RBFOX3: variants seen among roughly 807,000 people sequenced by gnomAD.
RBFOX3 encodes the protein RNA binding protein fox-1 homolog 3.
RBFOX3 carries 17 observed loss-of-function variants against 48.7 expected under a neutral mutation model. The ratio of observed to expected loss-of-function variants is 0.35; its 90% CI spans 0.24 to 0.52. The LOEUF (loss-of-function observed/expected upper bound fraction) is 0.52, where lower values mean the gene tolerates loss of function less well. Among genes scored for constraint, RBFOX3 ranks in the 20% least tolerant of loss-of-function variants. The probability of loss-of-function intolerance (pLI) is 0.94; values close to 1 mark genes in which losing one functional copy is unlikely to be tolerated. For synonymous variants in RBFOX3, 212 were observed against 209.5 expected, an observed-to-expected ratio of 1.01 and a Z score of -0.10; for missense variants, 382 against 497.5, an observed-to-expected ratio of 0.77 and a Z score of 2.21.
At chr17:79,517,011 T>C (rs35781445) in intron 1 of RBFOX3, among the ~76,000 whole-genome samples, 27,778 of 151,834 alleles carry the variant, frequency 0.18, 6,665 homozygotes, top group African/African-American at 0.56. Context: ...GGCCGAGCTT[T>C]GGTTGGGGAA....
chr17:79,545,179 T>C (rs11868661), intron 1 of RBFOX3, among the ~76,000 whole-genome samples: 6,194 of 152,222 alleles, frequency 0.041, 294 homozygotes, highest in African/African-American at 0.12. Flanking sequence ...GAAGTCCACG[T>C]AGATCCTTGT....
intron 2 of RBFOX3, among the ~76,000 whole-genome samples, chr17:79,387,822 C>T (rs1425900644): frequency 1.3e-5 from 2 of 152,264 alleles, no homozygotes; most frequent in Non-Finnish European, 2.9e-5. Context: ...AACCCATACC[C>T]CAAGAGCAGG....
At chr17:79,407,075 T>G (rs1406171504) in intron 2 of RBFOX3, among the ~76,000 whole-genome samples, 1 of 152,274 alleles carries the variant, frequency 6.6e-6, no homozygotes, top group Non-Finnish European at 1.5e-5. Flanking sequence ...CATGGCAATC[T>G]TGGCTCACTG....
Position 79,249,432 on chromosome 17 carries a change from G to C in RBFOX3, c.-73-13627C>G, listed in dbSNP as rs535316107. On this transcript the variant is annotated intron_variant, in intron 3 of 14. Transcript: ENST00000693108. The surrounding 1 kb of genome is among the most constrained non-coding windows in gnomAD (Gnocchi z 4.1). Reference sequence around the variant, plus strand: ...CATCTGAAGCCTTGCTGGCCCTGGGGAGACGGCTCCTCCCAAAGTAGCAGA... The same window carrying C: ...CATCTGAAGCCTTGCTGGCCCTGGGCAGACGGCTCCTCCCAAAGTAGCAGA... 6.6e-6 allele frequency among the ~76,000 whole-genome samples: 1 copy of C among 152,208 alleles called. No homozygotes were observed. The highest frequency in any genetic ancestry group is 1.9e-4 in the East Asian group (1 of 5,164).
chr17:79,158,247 G>T (rs915598483), intron 4 of RBFOX3, among the ~76,000 whole-genome samples: 1 of 152,208 alleles, frequency 6.6e-6, no homozygotes, highest in Non-Finnish European at 1.5e-5. Flanking sequence ...CTTCAGAACT[G>T]CGCGAGGAGA....
At chr17:79,395,041 C>T (rs1435250367) in intron 2 of RBFOX3, among the ~76,000 whole-genome samples, 1 of 152,236 alleles carries the variant, frequency 6.6e-6, no homozygotes, top group Admixed American at 6.5e-5. Context: ...CCAGTGGTGG[C>T]CACAGCTGCT....
rs115681765 is a variant in RBFOX3 at position 79,366,484 on chromosome 17, C to T, written c.-174-58660G>A. Reference sequence around the variant, plus strand: ...TTTATGGTATATTATGCCGGCGCCACGTCTCAATCTATCAAAGTCAGTGTC... The same window carrying T: ...TTTATGGTATATTATGCCGGCGCCATGTCTCAATCTATCAAAGTCAGTGTC... On this transcript the variant is annotated intron_variant, in intron 2 of 14. Coordinates refer to ENST00000693108, the MANE Select transcript of RBFOX3 (RefSeq NM_001350451.2). Among the ~76,000 whole-genome samples, 1,447 of 152,326 alleles carry T rather than the reference C, an allele frequency of 9.5e-3. 22 individuals carry two copies. Among genetic ancestry groups the T allele is most frequent in the African/African-American group, 0.033 (1,371 of 41,568 alleles).
chr17:79,511,966 C>A (rs1254335754), intron 1 of RBFOX3, among the ~76,000 whole-genome samples: 5 of 146,068 alleles, frequency 3.4e-5, no homozygotes, highest in Admixed American at 1.4e-4. Context: ...CCAGGGGACA[C>A]CCACCCGGAT....
intron 4 of RBFOX3, among the ~76,000 whole-genome samples, chr17:79,197,032 T>C (rs1410736751): frequency 1.3e-5 from 2 of 152,214 alleles, no homozygotes; most frequent in Admixed American, 1.3e-4. Flanking sequence ...GCACTGGGGC[T>C]GCTTGGTATC....
chr17:79,119,195 T>C (rs970547442), intron 4 of RBFOX3, among the ~76,000 whole-genome samples: 1 of 151,978 alleles, frequency 6.6e-6, no homozygotes, highest in Non-Finnish European at 1.5e-5. Flanking sequence ...CCCGCCAACA[T>C]AAAGGGGGGA....
intron 2 of RBFOX3, among the ~76,000 whole-genome samples, chr17:79,334,309 C>G (rs1296219672): frequency 6.6e-6 from 1 of 152,204 alleles, no homozygotes; most frequent in African/African-American, 2.4e-5. Context: ...CCATCTCAGA[C>G]AGTGGCATCG....
At chr17:79,233,206 A>G (rs1231984465) in intron 4 of RBFOX3, among the ~76,000 whole-genome samples, 1 of 152,244 alleles carries the variant, frequency 6.6e-6, no homozygotes, top group East Asian at 1.9e-4. Context: ...AACATCACAG[A>G]GGAACCTCTG....
upstream of RBFOX3, among the ~76,000 whole-genome samples, chr17:79,614,445 A>G (rs972066358): frequency 0.012 from 1,774 of 149,262 alleles, 36 homozygotes; most frequent in African/African-American, 0.041. Context: ...CACAGGCCCC[A>G]CTCCCTGCTC....
At chr17:79,460,378 C>T (rs546708777) in intron 2 of RBFOX3, among the ~76,000 whole-genome samples, 4 of 152,162 alleles carry the variant, frequency 2.6e-5, no homozygotes, top group East Asian at 1.9e-4. Flanking sequence ...AAAAGGCTTC[C>T]AGTCTATCAT....
At chr17:79,620,560 C>T in the RBFOX3 span, among the ~76,000 whole-genome samples, 1 of 144,438 alleles carries the variant, frequency 6.9e-6, no homozygotes, top group African/African-American at 2.6e-5. Flanking sequence ...CACACATGTG[C>T]ACACCCGCGC....
At chr17:79,162,897 G>A (rs1418560369) in intron 4 of RBFOX3, among the ~76,000 whole-genome samples, 4 of 152,182 alleles carry the variant, frequency 2.6e-5, no homozygotes, top group Non-Finnish European at 4.4e-5. Flanking sequence ...CTGATCAAGC[G>A]GTTCTCAAAC....
intron 1 of RBFOX3, among the ~76,000 whole-genome samples, chr17:79,521,742 T>C (rs1245330807): frequency 1.3e-5 from 2 of 151,946 alleles, no homozygotes; most frequent in Non-Finnish European, 1.5e-5. Flanking sequence ...CACACACACA[T>C]ATACATACAC....
At chr17:79,136,920 G>T (rs1210170260) in intron 4 of RBFOX3, among the ~76,000 whole-genome samples, 1 of 152,088 alleles carries the variant, frequency 6.6e-6, no homozygotes, top group African/African-American at 2.4e-5. Flanking sequence ...ATTCACACTC[G>T]CTCTAAGAAG....
rs368379901 is a variant in RBFOX3, at chr17:79,488,712, C to A, written c.-319-6114G>T. On this transcript the variant is annotated intron_variant, in intron 1 of 14. Coordinates refer to ENST00000693108, the MANE Select transcript of RBFOX3 (RefSeq NM_001350451.2). ...GACATTCAACAAGGTACACTAGCAA[C>A]CCCATCCCTGCCCAAAGTGTCTTGG... Among the ~76,000 whole-genome samples the A allele has an allele frequency of 8.1e-4, 123 of 152,362 alleles. 1 individual carries two copies. Among genetic ancestry groups the A allele is most frequent in the African/African-American group, 2.9e-3 (119 of 41,590 alleles).
Sources: gnomAD v4.1 joint callset for allele counts (sites outside exome capture counted in the v4.1 genomes callset) on GRCh38, gnomAD v4.1.1 for gene constraint, Gnocchi (gnomAD v3.1) non-coding constraint, MANE v1.5 for transcripts, NCBI Gene and HGNC (gene_info 2026-07-23, HGNC 2026-07-21) for gene names.